The following ZP3 variants were observed in gnomAD, a reference collection of about 807,000 sequenced individuals.
ZP3 encodes the protein zona pellucida glycoprotein 3.
ZP3 carries 21 observed loss-of-function variants against 35.6 expected under a neutral mutation model. The observed-to-expected ratio is 0.59, with a 90% CI of 0.42 to 0.85. The LOEUF is 0.85. Among genes scored for constraint, ZP3 ranks in the 40% least tolerant of loss-of-function variants. The probability of loss-of-function intolerance (pLI) is 0.00; values close to 1 mark genes in which losing one functional copy is unlikely to be tolerated. For synonymous variants in ZP3, 207 were observed against 214.5 expected (o/e 0.96, Z 0.31); for missense variants, 437 against 536.5 (o/e 0.81, Z 1.83).
At chr7:76,436,878 G>A (rs1410025606) in intron 5 of ZP3, among the ~76,000 whole-genome samples, 3 of 152,252 alleles carry the variant, frequency 2.0e-5, no homozygotes, top group Admixed American at 2.0e-4. Flanking sequence ...CTCAATCTCT[G>A]GGGGTTGAGG....
intron 1 of ZP3, among the ~76,000 whole-genome samples, chr7:76,415,646 A>G (rs1045132887): frequency 2.0e-5 from 3 of 150,264 alleles, no homozygotes; most frequent in African/African-American, 7.3e-5. Context: ...GGCATCCGCC[A>G]CCACAACCGG....
chr7:76,398,711 C>T (rs990406396), intron 1 of ZP3: 3 of 1,612,738 alleles, frequency 1.9e-6, no homozygotes, highest in Non-Finnish European at 1.7e-6. Flanking sequence ...CCACATTATG[C>T]TTACGTACTT....
upstream of ZP3, among the ~76,000 whole-genome samples, chr7:76,423,066 A>AG (rs1805559516): frequency 6.7e-6 from 1 of 148,934 alleles, no homozygotes; most frequent in African/African-American, 2.5e-5. Context: ...AAAGAAAGAA[A>AG]GAAAGAAAGA....
At position 76,404,351 on chromosome 7, in the gene ZP3, G is replaced by A; in HGVS notation, c.-67+6554G>A. On this transcript the variant is annotated intron_variant, in intron 1 of 8. Coordinates refer to the ZP3 transcript ENST00000336517. ...GAAAGACAGGGCTTGGGGGAGGAAG[G>A]GAGGGGCAGCACTCCCATCTCCCAA... 2.5e-6 allele frequency: 4 copies of A among 1,613,042 alleles called. No homozygotes were observed. In the South Asian group the frequency reaches 4.4e-5, roughly 18 times the overall value.
Position 76,424,960 on chromosome 7 carries a change from G to T in ZP3, c.-5G>T. The stretch of plus-strand genomic sequence containing the variant: ...GAGGCGGCTGCCTGCTGCTCTGCAG[G>T]TACCATGGAGCTGAGCTATAGGCTC... On this transcript the variant is annotated 5_prime_UTR_variant, in exon 1 of 8. Transcript: ENST00000394857. 6.6e-7 allele frequency: 1 copy of T among 1,524,116 alleles called. No individual in the cohort carries two copies. The highest frequency in any genetic ancestry group is 8.8e-7 in the Non-Finnish European group (1 of 1,134,724). 94.4% of individuals were successfully genotyped at this position (1,524,116 alleles called of 1,614,324 possible). A position where few individuals can be genotyped will look rare whatever the true frequency, so the allele number is the denominator to read the frequency against.
At chr7:76,441,101 G>A (rs1806184104) in intron 7 of ZP3, among the ~76,000 whole-genome samples, 1 of 151,094 alleles carries the variant, frequency 6.6e-6, no homozygotes, top group South Asian at 2.1e-4. Flanking sequence ...AATCTGGGAG[G>A]CAGAGGTTGC....
intron 1 of ZP3, among the ~76,000 whole-genome samples, chr7:76,415,068 T>C (rs1805337201): frequency 6.6e-6 from 1 of 151,224 alleles, no homozygotes; most frequent in African/African-American, 2.4e-5. Context: ...ACAATTACGA[T>C]ATAGGCATTA....
At chr7:76,400,946 G>C (rs1279211183) in intron 1 of ZP3, 8 of 1,548,506 alleles carry the variant, frequency 5.2e-6, no homozygotes, top group Admixed American at 2.0e-5. Flanking sequence ...GTGGTTCCCT[G>C]TCTGAGGCTG....
intron 1 of ZP3, among the ~76,000 whole-genome samples, chr7:76,411,825 A>G (rs1434696939): frequency 2.0e-5 from 3 of 152,204 alleles, no homozygotes; most frequent in African/African-American, 7.2e-5. Flanking sequence ...GAAAACTTAC[A>G]TCTTCACAAA....
chr7:76,401,734 C>T (rs931973151), intron 1 of ZP3, among the ~76,000 whole-genome samples: 4 of 152,072 alleles, frequency 2.6e-5, no homozygotes. Flanking sequence ...TTTTTCAATT[C>T]CCAGCTTGGA....
In ZP3 at chr7:76,429,495, A is replaced by C; in HGVS notation, c.313-20A>C. On this transcript the variant is annotated intron_variant, in intron 1 of 7. Coordinates refer to ENST00000394857, the MANE Select transcript of ZP3 (RefSeq NM_001110354.2). ...GGGCAGGTGATGGCCGGCAGCATTAACTTCTCACCTTTCCTCCAGGTAACT... is the reference window on the plus strand; with the variant it reads ...GGGCAGGTGATGGCCGGCAGCATTACCTTCTCACCTTTCCTCCAGGTAACT... 6.2e-7 allele frequency: 1 copy of C among 1,612,102 alleles called. No homozygotes were observed. Among genetic ancestry groups the C allele is most frequent in the African/African-American group, 1.3e-5 (1 of 74,938 alleles).
rs139339963 is a variant in ZP3 at position 76,400,408 on chromosome 7, C to T, written c.-67+2611C>T. ...CTCCACGTTGTCCAGCAGGATGGGG[C>T]CTCGGCCTTGGCCAAAGGCAAGGGG... On this transcript the variant is annotated intron_variant, in intron 1 of 8. Transcript: ENST00000336517. 6 of 1,603,780 alleles carry T rather than the reference C, an allele frequency of 3.7e-6. No individual in the cohort carries two copies. In the African/African-American group the frequency reaches 8.0e-5, roughly 21 times the overall value.
chr7:76,440,235 T>A lies in ZP3; in HGVS notation c.832-15T>A. 1 of 1,605,514 alleles carries A rather than the reference T, an allele frequency of 6.2e-7. No individual in the cohort carries two copies. Among genetic ancestry groups the A allele is most frequent in the Non-Finnish European group, 8.5e-7 (1 of 1,175,776 alleles). The stretch of plus-strand genomic sequence containing the variant: ...GCCTGGAACTCGGCCTGGAAATAGC[T>A]GTTATTCCTTGCAGATATACATCAC... On this transcript the variant is annotated splice_polypyrimidine_tract_variant and intron_variant, in intron 5 of 7. Coordinates refer to ENST00000394857, the MANE Select transcript of ZP3 (RefSeq NM_001110354.2).
intron 5 of ZP3, among the ~76,000 whole-genome samples, chr7:76,438,138 G>A (rs1249481757): frequency 6.6e-6 from 1 of 152,246 alleles, no homozygotes; most frequent in Non-Finnish European, 1.5e-5. Context: ...GTTGAGCAGG[G>A]AGGAATTTTA....
intron 5 of ZP3, among the ~76,000 whole-genome samples, chr7:76,438,004 A>T (rs1806075986): frequency 6.6e-6 from 1 of 151,862 alleles, no homozygotes; most frequent in Non-Finnish European, 1.5e-5. Flanking sequence ...GCTTGTTTCT[A>T]AAAGTCTGAA....
intron 2 of ZP3, among the ~76,000 whole-genome samples, chr7:76,430,567 T>A (rs929157684): frequency 1.3e-5 from 2 of 152,078 alleles, no homozygotes; most frequent in Non-Finnish European, 2.9e-5. Flanking sequence ...AACCCATCTC[T>A]ACTAAAAACA....
chr7:76,415,327 C>G (rs1332067910), intron 1 of ZP3, among the ~76,000 whole-genome samples: 4 of 121,880 alleles, frequency 3.3e-5, no homozygotes, highest in Non-Finnish European at 6.4e-5. Flanking sequence ...GATCGCGCCA[C>G]TGCACTTCAG....
chr7:76,411,701 A>T (rs768008926), intron 1 of ZP3, among the ~76,000 whole-genome samples: 4 of 152,304 alleles, frequency 2.6e-5, no homozygotes, highest in East Asian at 1.9e-4. Flanking sequence ...GCTGATGGGA[A>T]TGTAAAATGG....
At chr7:76,412,968 T>C (rs530560536) in intron 1 of ZP3, among the ~76,000 whole-genome samples, 14 of 144,156 alleles carry the variant, frequency 9.7e-5, no homozygotes, top group East Asian at 6.1e-4. Context: ...TCTTCTTCTT[T>C]TTTTTTTTTT....
Sources: allele counts gnomAD v4.1 joint callset (sites outside exome capture counted in the v4.1 genomes callset), GRCh38; gene constraint gnomAD v4.1.1; transcripts MANE v1.5; gene names NCBI Gene and HGNC (gene_info 2026-07-23, HGNC 2026-07-21).